NTMT2: variants seen among roughly 807,000 people sequenced by gnomAD.
The protein encoded by NTMT2 is X-Pro-Lys N-terminal protein methyltransferase 1B.
Under a neutral mutation model 23.4 loss-of-function variants are expected in NTMT2, and 21 were observed. The observed-to-expected ratio is 0.90, with a 90% CI of 0.64 to 1.29. NTMT2 has a LOEUF of 1.29. NTMT2 is among the 50% of genes most tolerant of loss of function. The pLI is 0.00. For synonymous variants in NTMT2, 131 were observed against 127.7 expected, an observed-to-expected ratio of 1.03 and a Z score of -0.17; for missense variants, 336 against 352.0, an observed-to-expected ratio of 0.95 and a Z score of 0.36.
At chr1:170,160,804 G>C (rs1673261320) in intron 2 of NTMT2, 111 bp downstream of exon 2, 1 of 889,790 alleles carries the variant, frequency 1.1e-6, no homozygotes, top group Non-Finnish European at 1.6e-6. Flanking sequence ...ACCCAGCCAA[G>C]AGTTCTGCCG....
At chr1:170,161,385 T>A (rs1233721642) in intron 2 of NTMT2, among the ~76,000 whole-genome samples, 1 of 152,150 alleles carries the variant, frequency 6.6e-6, no homozygotes, top group Non-Finnish European at 1.5e-5. Flanking sequence ...ATTTTATACA[T>A]AGTTTTGATT....
chr1:170,161,828 C>T (rs1339144336), intron 2 of NTMT2, among the ~76,000 whole-genome samples: 5 of 152,160 alleles, frequency 3.3e-5, no homozygotes, highest in African/African-American at 9.7e-5. Flanking sequence ...TATGGTGGCT[C>T]ATGCCTGTAA....
At chr1:170,147,124 G>A (rs751743932) in intron 1 of NTMT2, among the ~76,000 whole-genome samples, 7 of 152,148 alleles carry the variant, frequency 4.6e-5, no homozygotes, top group African/African-American at 1.2e-4. Context: ...TCCAGCTGTC[G>A]AAGCAGCTAC....
intron 1 of NTMT2, among the ~76,000 whole-genome samples, chr1:170,152,752 G>A (rs1006498825): frequency 1.3e-5 from 2 of 152,084 alleles, no homozygotes; most frequent in African/African-American, 2.4e-5. Flanking sequence ...AATGAGGAGG[G>A]TAACATTTAT....
chr1:170,158,532 A>G (rs1673207785), intron 1 of NTMT2, among the ~76,000 whole-genome samples: 1 of 151,860 alleles, frequency 6.6e-6, no homozygotes, highest in Non-Finnish European at 1.5e-5. Flanking sequence ...AATTTCTTAC[A>G]GATGTGCTCA....
Position 170,166,516 on chromosome 1 carries a change from T to G in NTMT2, c.345T>G (p.Ala115=), listed in dbSNP as rs1312324229. The G allele has an allele frequency of 1.9e-5, 30 of 1,552,132 alleles. No homozygotes were observed. The highest frequency in any genetic ancestry group is 3.3e-4 in the Middle Eastern group (2 of 6,014). Residue 115 remains alanine, a synonymous_variant, in exon 3 of 4, where the codon GCT becomes GCG. Coordinates refer to ENST00000439373, the MANE Select transcript of NTMT2 (RefSeq NM_001136107.2). ...LRKFVGGPGR[A]GTDCALDCGS... ...CCTTTCTGCAGGGGCCTGGGAGAGCTGGAACAGACTGCGCCTTGGACTGCG... is the reference window on the plus strand; with the variant it reads ...CCTTTCTGCAGGGGCCTGGGAGAGCGGGAACAGACTGCGCCTTGGACTGCG...
chr1:170,149,613 A>C (rs1298741141), intron 1 of NTMT2, among the ~76,000 whole-genome samples: 3 of 152,232 alleles, frequency 2.0e-5, no homozygotes, highest in African/African-American at 4.8e-5. Context: ...ACTAATAATT[A>C]ATTGCAGATC....
intron 1 of NTMT2, among the ~76,000 whole-genome samples, chr1:170,147,508 T>C (rs568714445): frequency 6.6e-6 from 1 of 152,274 alleles, no homozygotes; most frequent in South Asian, 2.1e-4. Flanking sequence ...AGTAATTCTT[T>C]TAGGACGTAT....
rs554501527 is a variant in NTMT2, at chr1:170,167,601, T to A, written c.696T>A (p.Asp232Glu). 2.6e-6 allele frequency: 4 copies of A among 1,551,674 alleles called. No homozygotes were observed. The highest frequency in any genetic ancestry group is 3.5e-6 in the Non-Finnish European group (4 of 1,146,976). ...TGGCCCGGGAGGGCTGTATCCTTGA[T>A]CTCTCTGACAGCAGTGTGACTCGGG... Reference protein sequence around the residue: ...DNVAREGCILDLSDSSVTRDM... With the variant: ...DNVAREGCILELSDSSVTRDM... The change falls in exon 4 of 4, where the codon GAT (aspartate) becomes GAA (glutamate). Residue 232 changes from aspartate (D) to glutamate (E), a missense_variant. By Grantham distance (45) the Asp-to-Glu change is conservative (BLOSUM62 2). Transcript: ENST00000439373.
chr1:170,146,062 G>A lies in NTMT2; in HGVS notation c.-46G>A, dbSNP rs748175496. On this transcript the variant is annotated 5_prime_UTR_variant, in exon 1 of 4. Transcript: ENST00000439373. ...GAAGGCTAATTCAAAGAAACAGCAA[G>A]GCAAGCTTCCTTTCTCTGTAGGAAT... 2 of 1,509,570 alleles carry A rather than the reference G, an allele frequency of 1.3e-6. No homozygotes were observed. Among genetic ancestry groups the A allele is most frequent in the South Asian group, 1.3e-5 (1 of 79,588 alleles). The allele number at this position is 1,509,570 out of a possible 1,614,324, so 93.5% of individuals were successfully genotyped here. A position where few individuals can be genotyped will look rare whatever the true frequency, so the allele number is the denominator to read the frequency against.
Position 170,168,249 on chromosome 1 carries a change from A to G in NTMT2, c.*492A>G, listed in dbSNP as rs1297241406. On this transcript the variant is annotated 3_prime_UTR_variant, in exon 4 of 4. Coordinates refer to ENST00000439373, the MANE Select transcript of NTMT2 (RefSeq NM_001136107.2). ...CATTTGTCTACTCAAACAAAAAAAA[A>G]AAAAAGAAAAAGAAACAATGCCCAC... Among the ~76,000 whole-genome samples, 3 of 151,400 alleles carry G rather than the reference A, an allele frequency of 2.0e-5. No homozygotes were observed. The highest frequency in any genetic ancestry group is 2.9e-5 in the Non-Finnish European group (2 of 67,878).
rs2102227158 is a variant in NTMT2 at position 170,146,224 on chromosome 1, T to G, written c.117T>G (p.Phe39Leu). 1.9e-6 allele frequency: 3 copies of G among 1,550,868 alleles called. No homozygotes were observed. Among genetic ancestry groups the G allele is most frequent in the Non-Finnish European group, 2.6e-6 (3 of 1,146,880 alleles). The part of the protein sequence containing the change: ...ILHKAIRNDF[F>L]QSYLYLLEKI... ...ACAAAGCCATTCGCAATGACTTCTT[T>G]CAGAGCTATCTCTACCTGCTGGAAA... The change falls in exon 1 of 4, where the codon TTT becomes TTG. Residue 39 changes from phenylalanine (F) to leucine (L), a missense_variant. By Grantham distance (22) the Phe-to-Leu change is conservative. Coordinates refer to ENST00000439373, the MANE Select transcript of NTMT2 (RefSeq NM_001136107.2).
At chr1:170,156,901 T>C (rs1186154755) in intron 1 of NTMT2, among the ~76,000 whole-genome samples, 1 of 152,130 alleles carries the variant, frequency 6.6e-6, no homozygotes, top group African/African-American at 2.4e-5. Context: ...AGGGTTTTAA[T>C]AGACTGCACA....
intron 1 of NTMT2, among the ~76,000 whole-genome samples, chr1:170,147,827 C>T (rs1016974907): frequency 6.6e-6 from 1 of 152,146 alleles, no homozygotes; most frequent in African/African-American, 2.4e-5. Context: ...ATACAATAGT[C>T]TCTTCTGAAA....
chr1:170,147,470 T>G (rs1219047576), intron 1 of NTMT2, among the ~76,000 whole-genome samples: 1 of 151,918 alleles, frequency 6.6e-6, no homozygotes, highest in African/African-American at 2.4e-5. Context: ...AGTCCAGGGC[T>G]TTTTTTTGGT....
In NTMT2 at chr1:170,159,158, G is replaced by A. The variant is rs141465074; in HGVS notation, c.155-1360G>A. 8.0e-3 allele frequency among the ~76,000 whole-genome samples: 1,218 copies of A among 152,228 alleles called. 10 individuals are homozygous for A. Among genetic ancestry groups the A allele is most frequent in the Non-Finnish European group, 0.012 (847 of 67,982 alleles). On this transcript the variant is annotated intron_variant, in intron 1 of 3. Coordinates refer to ENST00000439373, the MANE Select transcript of NTMT2 (RefSeq NM_001136107.2). ...AAGGAAGACAAGAAGCCCTACATGT[G>A]CAGGTAGATTTTACCAGATTCTGAT...
At chr1:170,147,244 C>T (rs777906850) in intron 1 of NTMT2, among the ~76,000 whole-genome samples, 1 of 152,178 alleles carries the variant, frequency 6.6e-6, no homozygotes, top group Non-Finnish European at 1.5e-5. Flanking sequence ...ATACCTTCAT[C>T]TCATATTTAT....
intron 1 of NTMT2, among the ~76,000 whole-genome samples, chr1:170,157,156 C>T (rs1255435308): frequency 6.6e-6 from 1 of 152,090 alleles, no homozygotes; most frequent in Non-Finnish European, 1.5e-5. Flanking sequence ...AAGTCACTTG[C>T]TGCGTATACC....
intron 1 of NTMT2, among the ~76,000 whole-genome samples, 198 bp from the exon 2 acceptor site, chr1:170,160,320 G>C (rs1213925392): frequency 2.0e-5 from 3 of 152,176 alleles, no homozygotes; most frequent in Non-Finnish European, 4.4e-5. Context: ...AAGATCAGAG[G>C]AGTTAAGATG....
Sources: allele counts gnomAD v4.1 joint callset (sites outside exome capture counted in the v4.1 genomes callset), GRCh38; gene constraint gnomAD v4.1.1; transcripts MANE v1.5; gene names NCBI Gene and HGNC (gene_info 2026-07-23, HGNC 2026-07-21).